CMIP: variants seen among roughly 807,000 people sequenced by gnomAD.
CMIP encodes c-Maf inducing protein.
In CMIP, 13 loss-of-function variants were observed where a neutral mutation model predicts 97.3. That is an observed-to-expected ratio of 0.13 (90% CI 0.09 to 0.21). CMIP has a LOEUF of 0.21. Among genes scored for constraint, CMIP ranks in the 10% least tolerant of loss-of-function variants. The probability of loss-of-function intolerance (pLI) is 1.00; values close to 1 mark genes in which losing one functional copy is unlikely to be tolerated. For synonymous variants in CMIP, 538 were observed against 436.3 expected, an observed-to-expected ratio of 1.23 and a Z score of -2.91; for missense variants, 847 against 1,024.9, an observed-to-expected ratio of 0.83 and a Z score of 2.37.
chr16:81,593,386 C>T (rs572720159), intron 1 of CMIP, among the ~76,000 whole-genome samples: 6 of 151,162 alleles, frequency 4.0e-5, no homozygotes, highest in East Asian at 2.0e-4. Flanking sequence ...GGTTGGAGGG[C>T]GGGGGGAGTT....
intron 1 of CMIP, among the ~76,000 whole-genome samples, chr16:81,488,045 G>A (rs1354728106): frequency 6.6e-6 from 1 of 152,006 alleles, no homozygotes; most frequent in Non-Finnish European, 1.5e-5. Flanking sequence ...TTTATTTATT[G>A]TTGTTTTATT....
At chr16:81,469,334 C>T (rs1399106740) in intron 1 of CMIP, among the ~76,000 whole-genome samples, 1 of 152,232 alleles carries the variant, frequency 6.6e-6, no homozygotes, top group East Asian at 1.9e-4. Context: ...TGCTGTGTGA[C>T]CTTGGTCAAG....
At chr16:81,570,281 A>G (rs1159734456) in intron 1 of CMIP, among the ~76,000 whole-genome samples, 1 of 152,088 alleles carries the variant, frequency 6.6e-6, no homozygotes, top group Non-Finnish European at 1.5e-5. Flanking sequence ...CCAAAAGCCA[A>G]TCCTAGCACC....
Position 81,561,257 on chromosome 16 carries a change from G to GACT in CMIP, c.301-46308_301-46306dup, listed in dbSNP as rs534002458. On this transcript the variant is annotated intron_variant, in intron 1 of 20. Coordinates refer to ENST00000537098, the MANE Select transcript of CMIP (RefSeq NM_198390.3). ...GGCGTGAGTCAGTGTGCCTGGCCAT[G>GACT]ACTATAGATCACCTAATATTTTAGG... Among the ~76,000 whole-genome samples the GACT allele has an allele frequency of 3.3e-5, 5 of 152,336 alleles. No homozygotes were observed. In the South Asian group the frequency reaches 8.3e-4, roughly 25 times the overall value.
At chr16:81,660,740 TCTGC>T in intron 5 of CMIP, 140 bp from the exon 6 acceptor site, 1 of 915,994 alleles carries the variant, frequency 1.1e-6, no homozygotes, top group Non-Finnish European at 1.7e-6. Flanking sequence ...TCTTTTTTTT[TCTGC>T]TTTTAATATG....
At chr16:81,651,375 C>T in intron 3 of CMIP, 2 of 966,230 alleles carry the variant, frequency 2.1e-6, no homozygotes, top group Non-Finnish European at 1.2e-6. Context: ...TCCAGGGAGG[C>T]AGCAGCCCCT....
chr16:81,670,118 T>C (rs374250765), intron 7 of CMIP, 24 bp from the exon 8 acceptor site: 32 of 1,593,810 alleles, frequency 2.0e-5, no homozygotes, highest in Non-Finnish European at 2.7e-5. Flanking sequence ...CCGTCCCGAC[T>C]CCTGTCCTCT....
At chr16:81,480,173 A>G (rs967261990) in intron 1 of CMIP, among the ~76,000 whole-genome samples, 1 of 152,170 alleles carries the variant, frequency 6.6e-6, no homozygotes, top group African/African-American at 2.4e-5. Context: ...GGTAGGTAAT[A>G]TTATCTCCAT....
intron 1 of CMIP, chr16:81,518,336 G>A (rs2089955143): frequency 6.6e-6 from 1 of 152,288 alleles, no homozygotes; most frequent in Non-Finnish European, 1.5e-5. Flanking sequence ...AGAGAGGGAT[G>A]TCGGGACCGT....
intron 6 of CMIP, among the ~76,000 whole-genome samples, chr16:81,662,918 A>G (rs1380334162): frequency 6.6e-6 from 1 of 152,130 alleles, no homozygotes; most frequent in Admixed American, 6.6e-5. Flanking sequence ...ATCATACCCA[A>G]TTTCCAAGGT....
chr16:81,694,207 A>C (rs568076491), intron 13 of CMIP, among the ~76,000 whole-genome samples: 1 of 152,258 alleles, frequency 6.6e-6, no homozygotes, highest in Admixed American at 6.5e-5. Flanking sequence ...TGGTGCTGAT[A>C]ACCATCTCAC....
At chr16:81,687,331 G>A (rs1470849935) in intron 10 of CMIP, among the ~76,000 whole-genome samples, 2 of 152,222 alleles carry the variant, frequency 1.3e-5, no homozygotes, top group African/African-American at 2.4e-5. Flanking sequence ...ACAGCTCTGT[G>A]ATTCGGATGG....
intron 3 of CMIP, among the ~76,000 whole-genome samples, chr16:81,646,248 G>GTGGATGGA (rs142200346): frequency 1.0e-3 from 86 of 85,976 alleles, no homozygotes; most frequent in Admixed American, 1.4e-3. Context: ...GGGCGGGTGG[G>GTGGATGGA]TGGATGGATG....
chr16:81,680,292 C>G (rs535690563), intron 10 of CMIP, among the ~76,000 whole-genome samples: 1 of 152,310 alleles, frequency 6.6e-6, no homozygotes, highest in South Asian at 2.1e-4. Flanking sequence ...CTGGAGCCTG[C>G]TCAGGGTTTC....
chr16:81,663,591 G>A (rs1222904367), intron 6 of CMIP, among the ~76,000 whole-genome samples: 1 of 152,166 alleles, frequency 6.6e-6, no homozygotes, highest in African/African-American at 2.4e-5. Flanking sequence ...CACCCAGAGC[G>A]CACAGCACCA....
chr16:81,501,855 G>A (rs528676080), intron 1 of CMIP, among the ~76,000 whole-genome samples: 1 of 151,980 alleles, frequency 6.6e-6, no homozygotes, highest in Non-Finnish European at 1.5e-5. Context: ...CAAGTGATCC[G>A]CCCACCTCGG....
intron 1 of CMIP, among the ~76,000 whole-genome samples, chr16:81,539,150 C>T (rs918356459): frequency 2.0e-5 from 3 of 152,216 alleles, no homozygotes; most frequent in African/African-American, 7.2e-5. Context: ...GACGCAGAAT[C>T]TTGCAGCGAA....
chr16:81,496,442 A>G (rs1388845147), intron 1 of CMIP, among the ~76,000 whole-genome samples: 1 of 152,164 alleles, frequency 6.6e-6, no homozygotes, highest in Non-Finnish European at 1.5e-5. Context: ...AACCCTGACA[A>G]GTGAAAAGAA....
At position 81,693,498 on chromosome 16, in the gene CMIP, TG is replaced by T. The variant is rs1413884033; in HGVS notation, c.1530+12del. 5 of 1,610,102 alleles carry T rather than the reference TG, an allele frequency of 3.1e-6. No homozygotes were observed. The highest frequency in any genetic ancestry group is 4.2e-6 in the Non-Finnish European group (5 of 1,177,684). On this transcript the variant is annotated intron_variant, in intron 13 of 20. Transcript: ENST00000537098. ...GACCCCAGGCAAGAGGTGAGGCCTT[TG>T]TTTCTGCATCTCAGGCCGGCTGTCT...
Sources: gnomAD v4.1 joint callset for allele counts (sites outside exome capture counted in the v4.1 genomes callset) on GRCh38, gnomAD v4.1.1 for gene constraint, MANE v1.5 for transcripts, NCBI Gene and HGNC (gene_info 2026-07-23, HGNC 2026-07-21) for gene names.